GRIP1: variants seen among roughly 807,000 people sequenced by gnomAD.
The protein encoded by GRIP1 is glutamate receptor interacting protein 1, also known as glutamate receptor-interacting protein 1.
Under a neutral mutation model 129.9 loss-of-function variants are expected in GRIP1, and 45 were observed. The observed-to-expected ratio is 0.35, with a 90% confidence interval of 0.27 to 0.44. The LOEUF is 0.44. Among genes scored for constraint, GRIP1 ranks in the 20% least tolerant of loss-of-function variants. The probability of loss-of-function intolerance (pLI) is 1.00; values close to 1 mark genes in which losing one functional copy is unlikely to be tolerated. For missense variants in GRIP1, 1,196 were observed against 1,396.8 expected, an observed-to-expected ratio of 0.86 and a Z score of 2.29; for synonymous variants, 530 against 520.8, an observed-to-expected ratio of 1.02 and a Z score of -0.24.
chr12:67,059,238 T>C (rs1042786307), intron 1 of GRIP1, among the ~76,000 whole-genome samples: 3 of 152,194 alleles, frequency 2.0e-5, no homozygotes, highest in African/African-American at 4.8e-5. Context: ...GAAATGCTGA[T>C]AGGACAAGTA....
intron 1 of GRIP1, among the ~76,000 whole-genome samples, chr12:66,880,291 G>GT (rs1399655396): frequency 6.6e-6 from 1 of 152,118 alleles, no homozygotes; most frequent in Non-Finnish European, 1.5e-5. Flanking sequence ...AAAAAAGGGA[G>GT]TTGGGGGGAT....
chr12:66,636,031 A>G (rs1442287584), intron 1 of GRIP1, among the ~76,000 whole-genome samples: 1 of 152,242 alleles, frequency 6.6e-6, no homozygotes. Flanking sequence ...ATGAATGGAT[A>G]AACAAAATAT....
chr12:66,585,259 C>G (rs7301683), intron 2 of GRIP1, among the ~76,000 whole-genome samples: 28,603 of 110,626 alleles, frequency 0.26, 4,401 homozygotes, highest in East Asian at 0.5. Context: ...CCCCTCCCCC[C>G]ACCCCACCAC....
At chr12:66,428,114 T>C (rs2058042043) in intron 14 of GRIP1, among the ~76,000 whole-genome samples, 1 of 152,192 alleles carries the variant, frequency 6.6e-6, no homozygotes, top group Admixed American at 6.5e-5. Context: ...GCATTTTCTG[T>C]ATGCTGGGCA....
At chr12:67,035,279 A>G (rs571666944) in intron 1 of GRIP1, among the ~76,000 whole-genome samples, 2 of 152,138 alleles carry the variant, frequency 1.3e-5, no homozygotes, top group Non-Finnish European at 2.9e-5. Flanking sequence ...ATCTGAGGAT[A>G]TCCCTTTGAA....
At chr12:66,785,944 AT>A (rs1228971144) in intron 1 of GRIP1, among the ~76,000 whole-genome samples, 2 of 152,068 alleles carry the variant, frequency 1.3e-5, no homozygotes, top group Non-Finnish European at 2.9e-5. Flanking sequence ...TTAGCCGGGC[AT>A]GGTGGCATGC....
intron 1 of GRIP1, among the ~76,000 whole-genome samples, chr12:66,607,242 T>C (rs1313608716): frequency 1.3e-5 from 2 of 152,224 alleles, no homozygotes; most frequent in Non-Finnish European, 2.9e-5. Context: ...GTTTAATTTA[T>C]GATATAAGAT....
intron 7 of GRIP1, among the ~76,000 whole-genome samples, chr12:66,505,249 G>A (rs2060496392): frequency 6.6e-6 from 1 of 152,216 alleles, no homozygotes. Flanking sequence ...TGAAATACGA[G>A]GACTCAATGA....
At chr12:66,492,784 T>G (rs924554843) in intron 7 of GRIP1, among the ~76,000 whole-genome samples, 4 of 151,862 alleles carry the variant, frequency 2.6e-5, no homozygotes, top group Admixed American at 1.3e-4. Context: ...CCAACGCGAG[T>G]GGATCACTTG....
intron 23 of GRIP1, among the ~76,000 whole-genome samples, chr12:66,369,494 A>C (rs1462141571): frequency 6.6e-6 from 1 of 152,116 alleles, no homozygotes; most frequent in Non-Finnish European, 1.5e-5. Context: ...GGCTATCAAT[A>C]ATCTTCTTCC....
At chr12:66,481,341 G>GA (rs930238786) in intron 7 of GRIP1, among the ~76,000 whole-genome samples, 1 of 151,726 alleles carries the variant, frequency 6.6e-6, no homozygotes, top group African/African-American at 2.4e-5. Context: ...ACAAACATCT[G>GA]AAAAAAAGCT....
intron 1 of GRIP1, among the ~76,000 whole-genome samples, chr12:66,968,238 C>T (rs2042024327): frequency 6.6e-6 from 1 of 152,064 alleles, no homozygotes; most frequent in Non-Finnish European, 1.5e-5. Context: ...CTGAAGTCTG[C>T]TTTGTCTAAA....
intron 1 of GRIP1, among the ~76,000 whole-genome samples, chr12:67,049,773 C>G (rs927184440): frequency 6.7e-6 from 1 of 149,936 alleles, no homozygotes; most frequent in East Asian, 1.9e-4. Context: ...GCCCTTTGCT[C>G]ATTGATAAAA....
At chr12:66,985,994 T>G (rs1015880863) in intron 1 of GRIP1, among the ~76,000 whole-genome samples, 4 of 152,202 alleles carry the variant, frequency 2.6e-5, no homozygotes, top group Admixed American at 2.6e-4. Context: ...CATCCTGATT[T>G]TCGCCCTTGA....
At chr12:66,824,292 C>T (rs988967478) in intron 1 of GRIP1, among the ~76,000 whole-genome samples, 1 of 152,110 alleles carries the variant, frequency 6.6e-6, no homozygotes, top group Non-Finnish European at 1.5e-5. Context: ...GAAAGGTGGA[C>T]GGTTTCAGAT....
intron 1 of GRIP1, among the ~76,000 whole-genome samples, chr12:66,851,552 AG>A (rs1204034418): frequency 1.3e-5 from 2 of 152,134 alleles, no homozygotes; most frequent in Non-Finnish European, 2.9e-5. Flanking sequence ...CCTTTCTAGA[AG>A]TAAACATGAT....
In GRIP1 at chr12:67,021,816, C is replaced by T. The variant is rs932073248; in HGVS notation, c.58+47234G>A. Among the ~76,000 whole-genome samples, 7 of 152,196 alleles carry T rather than the reference C, an allele frequency of 4.6e-5. No homozygotes were observed. In the South Asian group the frequency reaches 8.3e-4, roughly 18 times the overall value. ...CTCCCTATCCCCCCATTCCCTTTTC[C>T]TTCCCAACCTCTAGTAACCACTATT... On this transcript the variant is annotated intron_variant, in intron 1 of 1. Coordinates refer to the GRIP1 transcript ENST00000643019.
chr12:67,039,912 T>C (rs957070793), intron 1 of GRIP1, among the ~76,000 whole-genome samples: 1 of 152,186 alleles, frequency 6.6e-6, no homozygotes, highest in Non-Finnish European at 1.5e-5. Context: ...GGACCTCCGT[T>C]GTGGCATATT....
At chr12:66,466,804 A>G (rs957424793) in intron 7 of GRIP1, among the ~76,000 whole-genome samples, 8 of 152,112 alleles carry the variant, frequency 5.3e-5, no homozygotes, top group Admixed American at 4.6e-4. Context: ...CTAATTTTCA[A>G]CTGTTCTGAT....
Sources: gnomAD v4.1 joint callset for allele counts (sites outside exome capture counted in the v4.1 genomes callset) on GRCh38, gnomAD v4.1.1 for gene constraint, MANE v1.5 for transcripts, NCBI Gene and HGNC (gene_info 2026-07-23, HGNC 2026-07-21) for gene names.